Variants in CCDC15 observed in about 807,000 individuals in gnomAD.
CCDC15 encodes the protein coiled-coil domain-containing protein 15.
In CCDC15, 105 loss-of-function variants were observed where a neutral mutation model predicts 114.5. The observed-to-expected ratio is 0.92, with a 90% confidence interval of 0.78 to 1.08. The LOEUF is 1.08. Among genes scored for constraint, CCDC15 ranks in the 50% least tolerant of loss-of-function variants. The probability of loss-of-function intolerance (pLI) is 0.00; values close to 1 mark genes in which losing one functional copy is unlikely to be tolerated. For synonymous variants in CCDC15, 334 were observed against 377.8 expected (o/e 0.88, Z 1.34); for missense variants, 1,105 against 1,093.6 (o/e 1.01, Z -0.15).
At chr11:124,967,284 A>G (rs1388773194) in intron 4 of CCDC15, among the ~76,000 whole-genome samples, 1 of 152,184 alleles carries the variant, frequency 6.6e-6, no homozygotes, top group East Asian at 1.9e-4. Flanking sequence ...AATCAAACAT[A>G]GATTTGGTCT....
rs1948206966 is a variant in CCDC15 at position 124,988,086 on chromosome 11, G to C, written c.1860G>C (p.Gln620His). ...PRDLHVLSND[Q>H]NILPKCQDQD... The stretch of plus-strand genomic sequence containing the variant: ...ACCTGCATGTTCTCTCCAACGACCA[G>C]AATATTCTACCCAAATGTCAGGACC... Residue 620 changes from glutamine to histidine, a missense_variant, in exon 8 of 16, where the codon CAG becomes CAC. By Grantham distance (24) the Gln-to-His change is conservative. Coordinates refer to ENST00000344762, the MANE Select transcript of CCDC15 (RefSeq NM_025004.3). 6.2e-7 allele frequency: 1 copy of C among 1,613,820 alleles called. No individual in the cohort carries two copies. The highest frequency in any genetic ancestry group is 8.5e-7 in the Non-Finnish European group (1 of 1,179,846).
At position 124,954,883 on chromosome 11, in the gene CCDC15, C is replaced by A; in HGVS notation, c.151C>A (p.Pro51Thr). 6.2e-7 allele frequency: 1 copy of A among 1,613,960 alleles called. No individual in the cohort carries two copies. The highest frequency in any genetic ancestry group is 1.6e-4 in the Middle Eastern group (1 of 6,062). ...TGGGGCATGGGTGGAACCTGCCTCA[C>A]CAGGTAGTTCGGAAATCCCAGCATA... ...PVGAWVEPAS[P>T]GSSEIPAYTS... Residue 51 changes from proline (P) to threonine (T), a missense_variant, in exon 2 of 16, where the codon CCA (proline) becomes ACA (threonine). Coordinates refer to ENST00000344762, the MANE Select transcript of CCDC15 (RefSeq NM_025004.3).
chr11:125,009,308 A>G (rs528547551), intron 13 of CCDC15, among the ~76,000 whole-genome samples: 31 of 152,298 alleles, frequency 2.0e-4, no homozygotes, highest in African/African-American at 6.7e-4. Context: ...TGCATAATGC[A>G]CTAAACAAAG....
chr11:124,963,190 A>G (rs112249729), intron 4 of CCDC15, among the ~76,000 whole-genome samples: 1 of 152,124 alleles, frequency 6.6e-6, no homozygotes, highest in African/African-American at 2.4e-5. Context: ...TGGTATTTCT[A>G]GTTCTAGATC....
chr11:125,010,726 T>C (rs1948584939), intron 13 of CCDC15, among the ~76,000 whole-genome samples: 1 of 152,188 alleles, frequency 6.6e-6, no homozygotes, highest in African/African-American at 2.4e-5. Context: ...TTTGTAAATA[T>C]CTTCTACCAT....
intron 4 of CCDC15, among the ~76,000 whole-genome samples, chr11:124,974,023 G>A (rs56366810): frequency 0.14 from 21,778 of 151,948 alleles, 1,721 homozygotes; most frequent in Non-Finnish European, 0.16. Context: ...TGCCCAGGCT[G>A]GAGTGCAGTG....
At chr11:124,982,055 C>CT (rs1948081394) in intron 6 of CCDC15, among the ~76,000 whole-genome samples, 1 of 152,190 alleles carries the variant, frequency 6.6e-6, no homozygotes, top group African/African-American at 2.4e-5. Context: ...CCTTCTTTGT[C>CT]TTTTTTTAAA....
intron 1 of CCDC15, 121 bp from the exon 2 acceptor site, chr11:124,954,603 A>G: frequency 6.9e-6 from 5 of 726,104 alleles, no homozygotes; most frequent in Non-Finnish European, 1.1e-5. Context: ...TTTCCACTTC[A>G]TGCCAGGCTT....
chr11:124,982,320 G>A (rs555059716), intron 6 of CCDC15, among the ~76,000 whole-genome samples: 7 of 152,178 alleles, frequency 4.6e-5, no homozygotes, highest in Non-Finnish European at 8.8e-5. Context: ...GTGCAGATTT[G>A]ATCCTGTCAT....
At chr11:125,011,210 G>A (rs1236009201) in intron 13 of CCDC15, among the ~76,000 whole-genome samples, 1 of 148,524 alleles carries the variant, frequency 6.7e-6, no homozygotes, top group African/African-American at 2.5e-5. Context: ...AACTGTTTCT[G>A]TAATAGAAGT....
At chr11:125,037,722 G>T (rs1396309595) in intron 13 of CCDC15, among the ~76,000 whole-genome samples, 1 of 152,152 alleles carries the variant, frequency 6.6e-6, no homozygotes, top group Non-Finnish European at 1.5e-5. Flanking sequence ...GTTACCTGGT[G>T]TCCAATGTCT....
At chr11:125,010,378 G>T (rs528076194) in intron 13 of CCDC15, among the ~76,000 whole-genome samples, 2 of 148,370 alleles carry the variant, frequency 1.3e-5, no homozygotes, top group South Asian at 4.2e-4. Context: ...GCTTTGCCTG[G>T]TGTTTTTTTT....
At position 124,954,308 on chromosome 11, in the gene CCDC15, A is replaced by G; in HGVS notation, c.-72A>G. 6.3e-6 allele frequency: 1 copy of G among 159,128 alleles called. No individual in the cohort carries two copies. The highest frequency in any genetic ancestry group is 1.7e-4 in the South Asian group (1 of 5,912). The allele number at this position is 159,128 out of a possible 1,614,324, so 9.9% of individuals were successfully genotyped here. A position where few individuals can be genotyped will look rare whatever the true frequency, so the allele number is the denominator to read the frequency against. On this transcript the variant is annotated 5_prime_UTR_variant, in exon 1 of 16. Coordinates refer to ENST00000344762, the MANE Select transcript of CCDC15 (RefSeq NM_025004.3). ...GGCTTTTATCTGGCCCGAGGCTCCCAGCCGTTCAGCGCGTCTTCCCATAAC... is the reference window on the plus strand; with the variant it reads ...GGCTTTTATCTGGCCCGAGGCTCCCGGCCGTTCAGCGCGTCTTCCCATAAC...
intron 11 of CCDC15, among the ~76,000 whole-genome samples, chr11:125,002,934 T>G (rs964228675): frequency 1.1e-4 from 17 of 152,084 alleles, no homozygotes; most frequent in Non-Finnish European, 2.2e-4. Flanking sequence ...CTGCCAAGAA[T>G]CAACTGACAT....
In CCDC15 at chr11:124,980,391, G is replaced by T. The variant is rs528775407; in HGVS notation, c.753+2791G>T. Among the ~76,000 whole-genome samples, 7 of 152,260 alleles carry T rather than the reference G, an allele frequency of 4.6e-5. No individual in the cohort carries two copies. The South Asian group carries it at 1.0e-3, about 23-fold the overall frequency. Reference sequence around the variant, plus strand: ...TCTGGTAGAATTCAGCTATGAATTTGTCTGGTCCTAGGCTTTTTCTGGTTG... The same window carrying T: ...TCTGGTAGAATTCAGCTATGAATTTTTCTGGTCCTAGGCTTTTTCTGGTTG... On this transcript the variant is annotated intron_variant, in intron 6 of 15. Transcript: ENST00000344762.
intron 13 of CCDC15, among the ~76,000 whole-genome samples, chr11:125,023,328 A>G (rs1948674871): frequency 6.6e-6 from 1 of 152,008 alleles, no homozygotes; most frequent in Admixed American, 6.6e-5. Context: ...GACTTCATCA[A>G]AATTAAAAAC....
chr11:125,009,375 AC>A (rs1409104952), intron 13 of CCDC15, among the ~76,000 whole-genome samples: 1 of 152,028 alleles, frequency 6.6e-6, no homozygotes, highest in Non-Finnish European at 1.5e-5. Context: ...TAAAGCAATA[AC>A]ACTTTTATTT....
chr11:125,036,154 G>A (rs1382777170), intron 13 of CCDC15, among the ~76,000 whole-genome samples: 2 of 130,838 alleles, frequency 1.5e-5, no homozygotes, highest in Non-Finnish European at 3.2e-5. Context: ...TTTCTCATAG[G>A]ATAGGTCTGG....
intron 11 of CCDC15, among the ~76,000 whole-genome samples, chr11:124,998,588 A>G (rs1948415437): frequency 1.3e-5 from 2 of 152,188 alleles, no homozygotes; most frequent in South Asian, 4.1e-4. Flanking sequence ...AAGTAAATGT[A>G]GAAGCTTTAT....
Sources: allele counts gnomAD v4.1 joint callset (sites outside exome capture counted in the v4.1 genomes callset), GRCh38; gene constraint gnomAD v4.1.1; transcripts MANE v1.5; gene names NCBI Gene and HGNC (gene_info 2026-07-23, HGNC 2026-07-21).